The following ANPEP variants were observed in gnomAD, a reference collection of about 807,000 sequenced individuals.
The protein encoded by ANPEP is alanyl aminopeptidase, membrane.
ANPEP carries 70 observed loss-of-function variants against 114.6 expected under a neutral mutation model. That is an observed-to-expected ratio of 0.61 (90% CI 0.50 to 0.75). The LOEUF is 0.75. ANPEP is among the 30% of genes least tolerant of loss of function. The pLI is 0.00. For missense variants in ANPEP, 1,184 were observed against 1,259.5 expected (o/e 0.94, Z 0.91); for synonymous variants, 548 against 522.3 (o/e 1.05, Z -0.67).
chr15:89,799,919 T>C lies in ANPEP; in HGVS notation c.1820-360A>G, dbSNP rs1229222100. 6.6e-6 allele frequency among the ~76,000 whole-genome samples: 1 copy of C among 152,076 alleles called. No individual in the cohort carries two copies. Among genetic ancestry groups the C allele is most frequent in the Non-Finnish European group, 1.5e-5 (1 of 67,996 alleles). The stretch of plus-strand genomic sequence containing the variant: ...CCAAGTGGGAACCACAGGCAGCTCC[T>C]CCTCTCCCTTCCCCTCCCATTCACC... On this transcript the variant is annotated intron_variant, in intron 12 of 20. Coordinates refer to ENST00000300060, the MANE Select transcript of ANPEP (RefSeq NM_001150.3). The surrounding 1 kb of genome is among the most constrained non-coding windows in gnomAD (Gnocchi z 4.2).
At chr15:89,801,066 G>T in intron 12 of ANPEP, 45 bp downstream of exon 12, 1 of 1,552,568 alleles carries the variant, frequency 6.4e-7, no homozygotes, top group South Asian at 1.1e-5. Context: ...CAGGAGCTAG[G>T]AGTATGGGGT....
Position 89,803,856 on chromosome 15 carries a change from C to A in ANPEP, c.1293+33G>T, listed in dbSNP as rs370077706. ...CGGTGGCCCAGGTCTCCCTCCATGC[C>A]CCCCGCACCAGACCCCTGGGCAGCT... On this transcript the variant is annotated intron_variant, in intron 7 of 20. Coordinates refer to ENST00000300060, the MANE Select transcript of ANPEP (RefSeq NM_001150.3). The surrounding 1 kb of genome is among the most constrained non-coding windows in gnomAD (Gnocchi z 4.2). 3.1e-6 allele frequency: 5 copies of A among 1,613,932 alleles called. No individual in the cohort carries two copies. The Admixed American group carries it at 8.3e-5, about 27-fold the overall frequency.
chr15:89,806,307 G>T lies in ANPEP; in HGVS notation c.277C>A (p.Leu93Ile), dbSNP rs1450964034. 1.9e-6 allele frequency: 3 copies of T among 1,614,160 alleles called. No individual in the cohort carries two copies. Among genetic ancestry groups the T allele is most frequent in the African/African-American group, 1.3e-5 (1 of 75,030 alleles). The change falls in exon 2 of 21, where the codon CTC becomes ATC. Residue 93 changes from leucine to isoleucine, a missense_variant. Coordinates refer to ENST00000300060, the MANE Select transcript of ANPEP (RefSeq NM_001150.3). This position sits in a 1 kb window ranked among gnomAD's most constrained non-coding sequence, Gnocchi z 5.7. Reference protein sequence around the residue: ...DSYRVTLRPYLTPNDRGLYVF... With the variant: ...DSYRVTLRPYITPNDRGLYVF... Reference sequence around the variant, plus strand: ...TACAGGCCCCTGTCATTGGGGGTGAGGTACGGTCTCAGCGTCACCCGGTAG... The same window carrying T: ...TACAGGCCCCTGTCATTGGGGGTGATGTACGGTCTCAGCGTCACCCGGTAG...
At chr15:89,801,688 C>T (rs908653042) in intron 10 of ANPEP, 81 bp from the exon 11 acceptor site, 11 of 1,518,476 alleles carry the variant, frequency 7.2e-6, no homozygotes, top group Admixed American at 1.9e-5. Flanking sequence ...CAGATTCTCG[C>T]CTCGACCCCG....
chr15:89,792,683 C>G (rs1290169268), intron 16 of ANPEP, 121 bp from the exon 17 acceptor site: 1 of 827,256 alleles, frequency 1.2e-6, no homozygotes, highest in Non-Finnish European at 1.9e-6. Context: ...GGCCCTCTGA[C>G]CCCCGCTGTA....
chr15:89,813,382 C>T (rs557209917), intron 1 of ANPEP, among the ~76,000 whole-genome samples: 119 of 152,332 alleles, frequency 7.8e-4, no homozygotes, highest in African/African-American at 2.6e-3. Context: ...CAGCGTGTAA[C>T]GAAGGTCTCA....
At chr15:89,802,418 C>A (rs1894613674) in intron 10 of ANPEP, 1 of 152,334 alleles carries the variant, frequency 6.6e-6, no homozygotes, top group Non-Finnish European at 1.5e-5. Context: ...TCAGCTGTGA[C>A]TCTGTGACAA....
chr15:89,804,400 A>G lies in ANPEP; in HGVS notation c.1032T>C (p.Ile344=). 6.2e-7 allele frequency: 1 copy of G among 1,614,200 alleles called. No individual in the cohort carries two copies. Residue 344 remains isoleucine (I), a synonymous_variant, in exon 6 of 21, where the codon ATT becomes ATC. Transcript: ENST00000300060. ...CGCCGGCGTTGAAGTCTGGCAGGCC[A>G]ATCTGGTCTGGGGAGGCGATGCCAT... ...TPYPLPKSDQ[I]GLPDFNAGAM...
chr15:89,793,702 C>CAAA (rs56906048), intron 15 of ANPEP, among the ~76,000 whole-genome samples: 1,817 of 78,532 alleles, frequency 0.023, 53 homozygotes, highest in African/African-American at 0.054. Flanking sequence ...GACTCCATCT[C>CAAA]AAAAAAAAAA....
rs777652115 is a variant in ANPEP, at chr15:89,804,351, T to C, written c.1081A>G (p.Thr361Ala). The C allele has an allele frequency of 1.2e-6, 2 of 1,614,040 alleles. No homozygotes were observed. The highest frequency in any genetic ancestry group is 1.1e-5 in the South Asian group (1 of 91,076). ...AGAMENWGLV[T>A]YRENSLLFDP... The stretch of plus-strand genomic sequence containing the variant: ...AACAGCAGGGAGTTCTCCCGGTAGG[T>C]CACCAGTCCCCAGTTCTCCATGGCG... The change falls in exon 6 of 21, where the codon ACC (threonine) becomes GCC (alanine). Residue 361 changes from threonine to alanine, a missense_variant. By Grantham distance (58) the Thr-to-Ala change is moderately conservative. Transcript: ENST00000300060.
At chr15:89,814,235 A>G (rs754654877) in intron 1 of ANPEP, among the ~76,000 whole-genome samples, 1 of 150,552 alleles carries the variant, frequency 6.6e-6, no homozygotes, top group African/African-American at 2.4e-5. Context: ...TTGAGCACCT[A>G]GAGTTCCCCT....
At position 89,799,304 on chromosome 15, in the gene ANPEP, G is replaced by A; in HGVS notation, c.1965C>T (p.Val655=). Residue 655 remains valine, a synonymous_variant, in exon 14 of 21, where the codon GTC becomes GTT. Coordinates refer to ENST00000300060, the MANE Select transcript of ANPEP (RefSeq NM_001150.3). The surrounding 1 kb of genome is among the most constrained non-coding windows in gnomAD (Gnocchi z 4.2). ...CATTAATGATCTGTGCCCGATTGAT[G>A]ACAGGGATGGCCTAGAATGCGAAGC... ...QLQRDHSAIP[V]INRAQIINDA... 6.2e-7 allele frequency: 1 copy of A among 1,614,192 alleles called. No individual in the cohort carries two copies. Among genetic ancestry groups the A allele is most frequent in the South Asian group, 1.1e-5 (1 of 91,074 alleles).
intron 1 of ANPEP, among the ~76,000 whole-genome samples, chr15:89,810,440 G>A (rs1348279844): frequency 6.6e-6 from 1 of 152,010 alleles, no homozygotes; most frequent in African/African-American, 2.4e-5. Flanking sequence ...ACGTGGTGGC[G>A]CACGCCTGTA....
intron 1 of ANPEP, among the ~76,000 whole-genome samples, chr15:89,813,277 A>AC (rs943001653): frequency 6.6e-6 from 1 of 152,052 alleles, no homozygotes; most frequent in African/African-American, 2.4e-5. Context: ...CGACATGGGG[A>AC]CCCCCATCTA....
At chr15:89,804,879 A>G (rs757571147) in intron 4 of ANPEP, 199 bp downstream of exon 4, 2 of 877,088 alleles carry the variant, frequency 2.3e-6, no homozygotes, top group African/African-American at 1.7e-5. Context: ...AACTCCCTTC[A>G]TGAAGAGAAA....
In ANPEP at chr15:89,790,979, C is replaced by A. The variant is rs200383502; in HGVS notation, c.2643G>T (p.Gln881His). The A allele has an allele frequency of 1.6e-4, 255 of 1,614,148 alleles. 2 individuals are homozygous for A. In the East Asian group the frequency reaches 5.7e-3, roughly 36 times the overall value. Residue 881 changes from glutamine to histidine, a missense_variant, in exon 19 of 21, where the codon CAG (glutamine) becomes CAT (histidine). Transcript: ENST00000300060. ...IGQGLVWDFV[Q>H]SNWKKLFNDY... The stretch of plus-strand genomic sequence containing the variant: ...CGTTAAAAAGCTTCTTCCAGTTGCT[C>A]TGGACAAAGTCCCAGACCAGACCTT...
Position 89,793,817 on chromosome 15 carries a change from CA to C in ANPEP, c.2158-692del, listed in dbSNP as rs563251538. On this transcript the variant is annotated intron_variant, in intron 15 of 20. Transcript: ENST00000300060. Reference sequence around the variant, plus strand: ...GAGCTCACCAAAACTACAGTTTCCACATTGATGCATTTACACCTTCTTTTTT... The same window carrying C: ...GAGCTCACCAAAACTACAGTTTCCACTTGATGCATTTACACCTTCTTTTTT... Among the ~76,000 whole-genome samples, 6 of 151,982 alleles carry C rather than the reference CA, an allele frequency of 3.9e-5. No homozygotes were observed. In the East Asian group the frequency reaches 1.2e-3, roughly 29 times the overall value.
intron 4 of ANPEP, chr15:89,804,831 A>G: frequency 2.5e-6 from 2 of 815,004 alleles, no homozygotes; most frequent in Non-Finnish European, 3.8e-6. Flanking sequence ...AATAACAATC[A>G]TCATAGCCAC....
chr15:89,810,549 C>T (rs886211667), intron 1 of ANPEP, among the ~76,000 whole-genome samples: 10 of 150,308 alleles, frequency 6.7e-5, no homozygotes, highest in Admixed American at 6.6e-5. Context: ...CCAGTCTGGA[C>T]GACAACAGAA....
Sources: gnomAD v4.1 joint callset for allele counts (sites outside exome capture counted in the v4.1 genomes callset) on GRCh38, gnomAD v4.1.1 for gene constraint, Gnocchi (gnomAD v3.1) non-coding constraint, MANE v1.5 for transcripts, NCBI Gene and HGNC (gene_info 2026-07-23, HGNC 2026-07-21) for gene names.